The following ARF5 variants were observed in gnomAD, a reference collection of about 807,000 sequenced individuals.
ARF5 encodes the protein ARF GTPase 5.
In ARF5, 10 loss-of-function variants were observed where a neutral mutation model predicts 24.8. The observed-to-expected ratio is 0.40, with a 90% CI of 0.25 to 0.68. The LOEUF is 0.68. Among genes scored for constraint, ARF5 ranks in the 30% least tolerant of loss-of-function variants. The probability of loss-of-function intolerance (pLI) is 0.36; values close to 1 mark genes in which losing one functional copy is unlikely to be tolerated. For synonymous variants in ARF5, 102 were observed against 95.1 expected (o/e 1.07, Z -0.42); for missense variants, 135 against 239.2 (o/e 0.56, Z 2.87).
rs144009854 is a variant in ARF5 at position 127,590,097 on chromosome 7, G to A, written c.290G>A (p.Arg97Gln). The A allele has an allele frequency of 1.2e-5, 20 of 1,613,838 alleles. No homozygotes were observed. The highest frequency in any genetic ancestry group is 1.7e-5 in the Non-Finnish European group (20 of 1,179,948). Residue 97 changes from arginine (R) to glutamine (Q), a missense_variant, in exon 4 of 6, where the codon CGG becomes CAG. Arg to Gln is a conservative substitution (Grantham distance 43). Coordinates refer to ENST00000000233, the MANE Select transcript of ARF5 (RefSeq NM_001662.4). ...ATCTTTGTGGTGGACAGTAATGACCGGGAGCGGGTCCAAGAATCTGCTGAT... is the reference window on the plus strand; with the variant it reads ...ATCTTTGTGGTGGACAGTAATGACCAGGAGCGGGTCCAAGAATCTGCTGAT... ...GLIFVVDSND[R>Q]ERVQESADEL...
chr7:127,590,092 TG>T lies in ARF5; in HGVS notation c.286del (p.Asp96ThrfsTer41). On this transcript the variant is annotated frameshift_variant, in exon 4 of 6. Transcript: ENST00000000233. LOFTEE classifies it high-confidence loss of function. ...QGLIFVVDSN[D>X]RERVQESADE... ...GCCTCATCTTTGTGGTGGACAGTAA[TG>T]ACCGGGAGCGGGTCCAAGAATCTGC... The T allele has an allele frequency of 6.2e-7, 1 of 1,614,012 alleles. No homozygotes were observed.
rs1315022618 is a variant in ARF5 at position 127,589,457 on chromosome 7, C to G, written c.149-28C>G. The G allele has an allele frequency of 5.1e-6, 8 of 1,558,236 alleles. No individual in the cohort carries two copies. In the South Asian group the frequency reaches 9.0e-5, roughly 17 times the overall value. ...TGAGTTCCTTTCTTTCAGGAGTTTT[C>G]TCATCTTTTTTTTCCAATTATCTGC... On this transcript the variant is annotated intron_variant, in intron 2 of 5. Transcript: ENST00000000233.
intron 3 of ARF5, 157 bp from the exon 4 acceptor site, chr7:127,589,909 C>T (rs1794258781): frequency 4.3e-6 from 3 of 697,658 alleles, no homozygotes; most frequent in East Asian, 2.5e-5. Flanking sequence ...GCCATGACTC[C>T]TGTAGAGCTT....
At chr7:127,588,628 C>T in intron 1 of ARF5, 63 bp downstream of exon 1, 1 of 1,279,042 alleles carries the variant, frequency 7.8e-7, no homozygotes, top group Non-Finnish European at 1.0e-6. Flanking sequence ...CCTTCCGCCC[C>T]CGCGTCCCTC....
At chr7:127,590,621 C>G (rs1256249767) in intron 4 of ARF5, among the ~76,000 whole-genome samples, 13 of 152,226 alleles carry the variant, frequency 8.5e-5, no homozygotes, top group Admixed American at 7.2e-4. Context: ...GAGTGAGCCA[C>G]TGCGCCCGGC....
intron 1 of ARF5, 98 bp downstream of exon 1, chr7:127,588,663 G>A: frequency 8.6e-7 from 1 of 1,163,132 alleles, no homozygotes; most frequent in Non-Finnish European, 1.1e-6. Context: ...TGGGTCTCTG[G>A]CCCCGAGTCA....
chr7:127,589,231 C>T (rs1368151480), intron 2 of ARF5, 68 bp downstream of exon 2: 1 of 1,553,056 alleles, frequency 6.4e-7, no homozygotes, highest in South Asian at 1.1e-5. Flanking sequence ...GCTCCCAGTT[C>T]TGCCACTTTT....
Position 127,591,382 on chromosome 7 carries a change from G to A in ARF5, c.*83G>A. ...CAGACTCCCGGACTCCTCAGGCAGT[G>A]CCCTTTCCTCCCACTTTTCCTCCCC... On this transcript the variant is annotated 3_prime_UTR_variant, in exon 6 of 6. Coordinates refer to ENST00000000233, the MANE Select transcript of ARF5 (RefSeq NM_001662.4). The A allele has an allele frequency of 8.1e-7, 1 of 1,241,244 alleles. No individual in the cohort carries two copies. The highest frequency in any genetic ancestry group is 1.1e-6 in the Non-Finnish European group (1 of 910,604). The allele number at this position is 1,241,244 out of a possible 1,614,324, so 76.9% of individuals were successfully genotyped here. A position where few individuals can be genotyped will look rare whatever the true frequency, so the allele number is the denominator to read the frequency against.
chr7:127,591,163 C>T (rs1260962072), intron 5 of ARF5, 50 bp from the exon 6 acceptor site: 2 of 1,607,390 alleles, frequency 1.2e-6, no homozygotes, highest in Non-Finnish European at 1.7e-6. Context: ...GATATAAAGG[C>T]ATTCCTTTTG....
rs200732482 is a variant in ARF5, at chr7:127,589,438, C to T, written c.149-47C>T. 1.2e-4 allele frequency: 176 copies of T among 1,478,410 alleles called. No individual in the cohort carries two copies. The African/African-American group carries it at 1.7e-3, about 14-fold the overall frequency. The allele number at this position is 1,478,410 out of a possible 1,614,324, so 91.6% of individuals were successfully genotyped here. ...GAAATCTAAGTAGTTTTAGTGAGTTCCTTTCTTTCAGGAGTTTTCTCATCT... is the reference window on the plus strand; with the variant it reads ...GAAATCTAAGTAGTTTTAGTGAGTTTCTTTCTTTCAGGAGTTTTCTCATCT... On this transcript the variant is annotated intron_variant, in intron 2 of 5. Coordinates refer to ENST00000000233, the MANE Select transcript of ARF5 (RefSeq NM_001662.4).
chr7:127,588,931 C>T lies in ARF5; in HGVS notation c.68-152C>T, dbSNP rs1008386204. On this transcript the variant is annotated intron_variant, in intron 1 of 5. Coordinates refer to ENST00000000233, the MANE Select transcript of ARF5 (RefSeq NM_001662.4). ...AGTTGGCTCACGCCACCCGACTGCC[C>T]TCCAGGCCTCAAAGGTAGATAACGA... The T allele has an allele frequency of 9.2e-6, 8 of 873,066 alleles. 1 individual carries two copies. In the African/African-American group the frequency reaches 1.3e-4, roughly 15 times the overall value. 54.1% of individuals were successfully genotyped at this position (873,066 alleles called of 1,614,324 possible). A position where few individuals can be genotyped will look rare whatever the true frequency, so the allele number is the denominator to read the frequency against.
At chr7:127,589,792 A>G (rs1370653267) in intron 3 of ARF5, 198 bp downstream of exon 3, 1 of 611,066 alleles carries the variant, frequency 1.6e-6, no homozygotes, top group Non-Finnish European at 2.9e-6. Flanking sequence ...CTTTAGAAGC[A>G]GGATTCTGGG....
At chr7:127,590,481 C>T (rs918234598) in intron 4 of ARF5, among the ~76,000 whole-genome samples, 49 of 152,082 alleles carry the variant, frequency 3.2e-4, no homozygotes, top group Non-Finnish European at 6.2e-4. Context: ...TACAGGCGCC[C>T]GCTGCCATGC....
chr7:127,589,114 C>A lies in ARF5; in HGVS notation c.99C>A (p.Ile33=). 5 of 1,614,238 alleles carry A rather than the reference C, an allele frequency of 3.1e-6. No individual in the cohort carries two copies. The highest frequency in any genetic ancestry group is 4.2e-6 in the Non-Finnish European group (5 of 1,180,044). The change falls in exon 2 of 6, where the codon ATC becomes ATA. Residue 33 remains isoleucine, a synonymous_variant. Coordinates refer to ENST00000000233, the MANE Select transcript of ARF5 (RefSeq NM_001662.4). ...VGLDAAGKTT[I]LYKLKLGEIV... ...TGGATGCGGCTGGCAAGACCACAAT[C>A]CTGTACAAACTGAAGTTGGGGGAGA...
In ARF5 at chr7:127,589,079, G is replaced by T. The variant is rs774658733; in HGVS notation, c.68-4G>T. The T allele has an allele frequency of 1.2e-6, 2 of 1,614,122 alleles. No homozygotes were observed. Among genetic ancestry groups the T allele is most frequent in the East Asian group, 2.2e-5 (1 of 44,892 alleles). ...CTCCATCCCTGTGCCCCTTTCCGTT[G>T]CAGTTGGCTTGGATGCGGCTGGCAA... On this transcript the variant is annotated splice_polypyrimidine_tract_variant and splice_region_variant and intron_variant, in intron 1 of 5. Coordinates refer to ENST00000000233, the MANE Select transcript of ARF5 (RefSeq NM_001662.4).
intron 1 of ARF5, chr7:127,588,833 C>G (rs1794242095): frequency 1.7e-6 from 1 of 578,098 alleles, no homozygotes; most frequent in South Asian, 2.2e-5. Context: ...TTGGAGACGA[C>G]TTTTAAAACG....
chr7:127,589,403 T>C, intron 2 of ARF5, 82 bp from the exon 3 acceptor site: 2 of 1,266,466 alleles, frequency 1.6e-6, no homozygotes, highest in East Asian at 2.3e-5. Flanking sequence ...TCTGGTTTTG[T>C]GTCCCTGCTG....
At chr7:127,589,464 T>C in intron 2 of ARF5, 21 bp from the exon 3 acceptor site, 1 of 1,583,696 alleles carries the variant, frequency 6.3e-7, no homozygotes, top group Non-Finnish European at 8.7e-7. Flanking sequence ...TTTCTCATCT[T>C]TTTTTTCCAA....
At chr7:127,590,633 G>T (rs1469963269) in intron 4 of ARF5, among the ~76,000 whole-genome samples, 1 of 152,212 alleles carries the variant, frequency 6.6e-6, no homozygotes, top group African/African-American at 2.4e-5. Flanking sequence ...GCGCCCGGCC[G>T]CATTCTCATG....
Sources: gnomAD v4.1 joint callset for allele counts (sites outside exome capture counted in the v4.1 genomes callset) on GRCh38, gnomAD v4.1.1 for gene constraint, MANE v1.5 for transcripts, NCBI Gene and HGNC (gene_info 2026-07-23, HGNC 2026-07-21) for gene names.